Variants in XIRP2 observed in about 807,000 individuals in gnomAD.
XIRP2 encodes the protein xin actin-binding repeat-containing protein 2.
Under a neutral mutation model 277.0 loss-of-function variants are expected in XIRP2, and 236 were observed. The observed-to-expected ratio is 0.85, with a 90% confidence interval of 0.77 to 0.95. XIRP2 has a LOEUF of 0.95. Ranked by LOEUF, XIRP2 falls within the 40% of genes least tolerant of loss-of-function variation. The probability of loss-of-function intolerance (pLI) is 0.00; values close to 1 mark genes in which losing one functional copy is unlikely to be tolerated. For missense variants in XIRP2, 4,640 were observed against 4,157.5 expected (o/e 1.12, Z -3.19); for synonymous variants, 1,490 against 1,416.5 (o/e 1.05, Z -1.17).
chr2:167,172,848 G>A (rs1371198828), intron 3 of XIRP2, among the ~76,000 whole-genome samples: 1 of 152,190 alleles, frequency 6.6e-6, no homozygotes, highest in Non-Finnish European at 1.5e-5. Context: ...AAGATGATGG[G>A]ATTAAGAGAT....
chr2:167,165,893 T>A (rs1692509307), intron 3 of XIRP2, among the ~76,000 whole-genome samples: 1 of 152,220 alleles, frequency 6.6e-6, no homozygotes, highest in African/African-American at 2.4e-5. Flanking sequence ...TGATGTTGTA[T>A]CTAAAAAGTC....
At position 167,259,047 on chromosome 2, in the gene XIRP2, A is replaced by G. The variant is rs745715908; in HGVS notation, c.*1230A>G. 2.5e-6 allele frequency: 4 copies of G among 1,610,466 alleles called. No homozygotes were observed. Among genetic ancestry groups the G allele is most frequent in the Non-Finnish European group, 3.4e-6 (4 of 1,177,678 alleles). On this transcript the variant is annotated 3_prime_UTR_variant, in exon 11 of 11. Transcript: ENST00000409195. ...AGCCATTCAAAGAGCAAAAATTTACACTTTTTCTTTTCTAACACCGTGAAA... is the reference window on the plus strand; with the variant it reads ...AGCCATTCAAAGAGCAAAAATTTACGCTTTTTCTTTTCTAACACCGTGAAA...
chr2:166,999,032 C>A (rs1351565406), intron 2 of XIRP2, among the ~76,000 whole-genome samples: 1 of 152,046 alleles, frequency 6.6e-6, no homozygotes, highest in East Asian at 1.9e-4. Context: ...TTAAAATTGT[C>A]TTTTGGCTTT....
At chr2:166,980,493 T>G (rs912280306) in intron 2 of XIRP2, among the ~76,000 whole-genome samples, 1 of 152,178 alleles carries the variant, frequency 6.6e-6, no homozygotes, top group Non-Finnish European at 1.5e-5. Context: ...CTCAGCTCAC[T>G]GCAACCTGCG....
At chr2:167,228,679 A>G (rs1005399813) in intron 5 of XIRP2, among the ~76,000 whole-genome samples, 2 of 152,154 alleles carry the variant, frequency 1.3e-5, no homozygotes, top group African/African-American at 4.8e-5. Context: ...TAGCGCAAAT[A>G]TCCATTAGTA....
At chr2:167,242,257 T>C (rs948137774) in intron 8 of XIRP2, among the ~76,000 whole-genome samples, 1 of 152,216 alleles carries the variant, frequency 6.6e-6, no homozygotes, top group Non-Finnish European at 1.5e-5. Context: ...AGACTTTTAC[T>C]GTTTCCCTCT....
intron 2 of XIRP2, among the ~76,000 whole-genome samples, chr2:166,943,884 C>A (rs1685786682): frequency 2.0e-5 from 3 of 152,142 alleles, no homozygotes; most frequent in African/African-American, 4.8e-5. Flanking sequence ...ACTCTTGTTC[C>A]ATAGTGGGTT....
intron 2 of XIRP2, among the ~76,000 whole-genome samples, chr2:166,954,149 C>T (rs918832401): frequency 1.3e-4 from 20 of 151,738 alleles, no homozygotes; most frequent in African/African-American, 4.8e-4. Context: ...GTAAGCTAAA[C>T]CATGCAAAAC....
At chr2:167,007,852 G>A (rs1403959749) in intron 2 of XIRP2, among the ~76,000 whole-genome samples, 1 of 151,482 alleles carries the variant, frequency 6.6e-6, no homozygotes, top group Non-Finnish European at 1.5e-5. Context: ...TTTTTAAAAT[G>A]TGGAAGGGGA....
intron 2 of XIRP2, among the ~76,000 whole-genome samples, chr2:166,985,136 A>G (rs1468871779): frequency 2.0e-5 from 3 of 152,222 alleles, no homozygotes; most frequent in Non-Finnish European, 1.5e-5. Context: ...TGGTTGGGGT[A>G]ATGCTAAACA....
intron 3 of XIRP2, among the ~76,000 whole-genome samples, chr2:167,171,195 C>T (rs1014332304): frequency 1.3e-5 from 2 of 152,078 alleles, no homozygotes; most frequent in East Asian, 1.9e-4. Flanking sequence ...CCACTGCACC[C>T]GCCCTCTTTA....
At chr2:166,905,527 T>C (rs1051187099) in intron 2 of XIRP2, among the ~76,000 whole-genome samples, 1 of 151,976 alleles carries the variant, frequency 6.6e-6, no homozygotes, top group Non-Finnish European at 1.5e-5. Flanking sequence ...GAACCAGATA[T>C]ATTAAAACCA....
At chr2:167,103,759 C>T (rs772435749) in intron 2 of XIRP2, among the ~76,000 whole-genome samples, 4 of 152,068 alleles carry the variant, frequency 2.6e-5, no homozygotes, top group Non-Finnish European at 2.9e-5. Flanking sequence ...CAAACGCTAG[C>T]TGGTATGTCT....
chr2:167,140,578 G>A (rs914499823), intron 3 of XIRP2, among the ~76,000 whole-genome samples: 3 of 152,072 alleles, frequency 2.0e-5, no homozygotes, highest in Admixed American at 6.6e-5. Flanking sequence ...CACGATGGTG[G>A]ACCCAGGACT....
At position 167,248,323 on chromosome 2, in the gene XIRP2, C is replaced by T. The variant is rs780961043; in HGVS notation, c.6931C>T (p.Pro2311Ser). 12 of 1,613,620 alleles carry T rather than the reference C, an allele frequency of 7.4e-6. No individual in the cohort carries two copies. In the South Asian group the frequency reaches 7.7e-5, roughly 10 times the overall value. The change falls in exon 9 of 11, where the codon CCT becomes TCT. Residue 2311 changes from proline (P) to serine (S), a missense_variant. By Grantham distance (74) the Pro-to-Ser change is moderately conservative (BLOSUM62 -1). Coordinates refer to ENST00000409195, the MANE Select transcript of XIRP2 (RefSeq NM_152381.6). ...ATCATCTGAAATTGAATTTCCTCTT[C>T]CTCCTCCACCTCCTTTGATGATGTT... Reference protein sequence around the residue: ...NASSEIEFPLPPPPPLMMFPE... With the variant: ...NASSEIEFPLSPPPPLMMFPE...
intron 2 of XIRP2, among the ~76,000 whole-genome samples, chr2:166,961,817 T>C (rs1251532844): frequency 6.6e-6 from 1 of 151,430 alleles, no homozygotes; most frequent in African/African-American, 2.4e-5. Flanking sequence ...CAACTTTACT[T>C]TTTTTTTGGA....
intron 2 of XIRP2, among the ~76,000 whole-genome samples, chr2:166,950,982 T>C (rs75901953): frequency 0.024 from 3,610 of 152,114 alleles, 57 homozygotes; most frequent in Non-Finnish European, 0.036. Flanking sequence ...AGGCTAAACA[T>C]GGAGAGTATT....
At chr2:167,127,522 T>G (rs1691243142) in intron 2 of XIRP2, among the ~76,000 whole-genome samples, 1 of 152,170 alleles carries the variant, frequency 6.6e-6, no homozygotes, top group South Asian at 2.1e-4. Context: ...CCCAAATGCC[T>G]GAGAGGTTTG....
intron 2 of XIRP2, among the ~76,000 whole-genome samples, chr2:167,114,402 G>C (rs565642505): frequency 1.1e-4 from 17 of 151,936 alleles, no homozygotes; most frequent in Non-Finnish European, 2.4e-4. Flanking sequence ...CCTCAGATTG[G>C]TCTATTCTGC....
Sources: gnomAD v4.1 joint callset for allele counts (sites outside exome capture counted in the v4.1 genomes callset) on GRCh38, gnomAD v4.1.1 for gene constraint, MANE v1.5 for transcripts, NCBI Gene and HGNC (gene_info 2026-07-23, HGNC 2026-07-21) for gene names.